The following PBX1 variants were observed in gnomAD, a reference collection of about 807,000 sequenced individuals.
The protein encoded by PBX1 is pre-B-cell leukemia transcription factor 1.
In PBX1, 6 loss-of-function variants were observed where a neutral mutation model predicts 53.4. The ratio of observed to expected loss-of-function variants is 0.11; its 90% CI spans 0.06 to 0.22. The LOEUF is 0.22. Ranked by LOEUF, PBX1 falls within the 10% of genes least tolerant of loss-of-function variation. The pLI is 1.00. For synonymous variants in PBX1, 204 were observed against 212.3 expected (o/e 0.96, Z 0.34); for missense variants, 251 against 551.4 (o/e 0.46, Z 5.46).
Position 164,559,474 on chromosome 1 carries a change from G to C in PBX1, c.-349G>C, listed in dbSNP as rs1652853570. On this transcript the variant is annotated 5_prime_UTR_variant, in exon 1 of 9. Coordinates refer to ENST00000420696, the MANE Select transcript of PBX1 (RefSeq NM_002585.4). ...GGGAGCCCATTTCTGCCTTGCAAAG[G>C]AGACCGGACTGAAAAACCTAAAGCC... The C allele has an allele frequency of 1.4e-5, 4 of 277,154 alleles. No homozygotes were observed. The South Asian group carries it at 5.9e-4, about 41-fold the overall frequency. 17.2% of individuals were successfully genotyped at this position (277,154 alleles called of 1,614,324 possible).
chr1:164,755,329 A>T (rs188927957), intron 2 of PBX1, among the ~76,000 whole-genome samples: 1,525 of 152,230 alleles, frequency 0.01, 18 homozygotes, highest in Non-Finnish European at 0.016. Flanking sequence ...TTGTATTTTT[A>T]GTAGAGATGA....
intron 2 of PBX1, among the ~76,000 whole-genome samples, chr1:164,598,207 A>G (rs1434429117): frequency 6.6e-6 from 1 of 152,176 alleles, no homozygotes; most frequent in Non-Finnish European, 1.5e-5. Flanking sequence ...TCAGTTTCCA[A>G]CACATGAATT....
intron 2 of PBX1, among the ~76,000 whole-genome samples, chr1:164,734,328 C>T (rs1233652242): frequency 2.0e-5 from 3 of 152,154 alleles, no homozygotes; most frequent in Admixed American, 6.5e-5. Flanking sequence ...AACTCATTTG[C>T]ATTTTTAAAA....
chr1:164,803,865 G>A (rs189572270), intron 4 of PBX1, among the ~76,000 whole-genome samples: 1 of 152,276 alleles, frequency 6.6e-6, no homozygotes, highest in East Asian at 1.9e-4. Flanking sequence ...TATGACGCTG[G>A]ATAAGTGGCT....
chr1:164,628,732 C>G (rs1397951966), intron 2 of PBX1, among the ~76,000 whole-genome samples: 1 of 152,106 alleles, frequency 6.6e-6, no homozygotes, highest in East Asian at 1.9e-4. Context: ...CTCTTTCTCT[C>G]TCTATCTAGA....
intron 2 of PBX1, among the ~76,000 whole-genome samples, chr1:164,779,112 C>T (rs1405852446): frequency 2.0e-5 from 3 of 148,966 alleles, no homozygotes; most frequent in Non-Finnish European, 3.0e-5. Context: ...GGCGCTATCT[C>T]GGCTCACTGC....
chr1:164,772,499 A>G (rs1464072097), intron 2 of PBX1, among the ~76,000 whole-genome samples: 1 of 152,212 alleles, frequency 6.6e-6, no homozygotes, highest in Non-Finnish European at 1.5e-5. Flanking sequence ...GGCCCATTTT[A>G]CAGATGGTGC....
chr1:164,688,694 C>T (rs903985296), intron 2 of PBX1, among the ~76,000 whole-genome samples: 4 of 152,152 alleles, frequency 2.6e-5, no homozygotes, highest in African/African-American at 9.7e-5. Context: ...ATGACTCTGT[C>T]GCCACTTTCC....
intron 2 of PBX1, among the ~76,000 whole-genome samples, chr1:164,738,276 T>A (rs1665409279): frequency 6.6e-6 from 1 of 152,150 alleles, no homozygotes; most frequent in South Asian, 2.1e-4. Flanking sequence ...CTAGGACTTG[T>A]ATTCCCAAGT....
At chr1:164,708,321 A>G (rs1220218241) in intron 2 of PBX1, among the ~76,000 whole-genome samples, 4 of 152,232 alleles carry the variant, frequency 2.6e-5, no homozygotes, top group African/African-American at 9.6e-5. Flanking sequence ...AGAAATATTT[A>G]TCAGATGACT....
At chr1:164,711,430 A>AT (rs1409614214) in intron 2 of PBX1, among the ~76,000 whole-genome samples, 1 of 152,050 alleles carries the variant, frequency 6.6e-6, no homozygotes, top group African/African-American at 2.4e-5. Flanking sequence ...TGCCCGGCTA[A>AT]TTTTTTGTAT....
At chr1:164,844,813 G>A (rs1671487910) in intron 8 of PBX1, among the ~76,000 whole-genome samples, 1 of 152,140 alleles carries the variant, frequency 6.6e-6, no homozygotes, top group Non-Finnish European at 1.5e-5. Flanking sequence ...TTATACTACA[G>A]AGTCTTTGCC....
chr1:164,771,621 C>G (rs527696241), intron 2 of PBX1: 1 of 151,802 alleles, frequency 6.6e-6, no homozygotes, highest in East Asian at 1.9e-4. Context: ...GCGCTGGAAG[C>G]TGAACTGAAC....
At chr1:164,827,102 A>C (rs1376949896) in intron 8 of PBX1, among the ~76,000 whole-genome samples, 1 of 152,230 alleles carries the variant, frequency 6.6e-6, no homozygotes, top group Non-Finnish European at 1.5e-5. Flanking sequence ...AGACATTTGG[A>C]TACCACGGGG....
In PBX1 at chr1:164,587,137, A is replaced by G. The variant is rs571202569; in HGVS notation, c.265+23826A>G. Among the ~76,000 whole-genome samples, 278 of 152,290 alleles carry G rather than the reference A, an allele frequency of 1.8e-3. 2 individuals carry two copies. Among genetic ancestry groups the G allele is most frequent in the Non-Finnish European group, 1.6e-3 (107 of 68,016 alleles). The stretch of plus-strand genomic sequence containing the variant: ...TCCCGGTTTTACATAACTGGGATGT[A>G]GGATGCTACAACTACTGCTGTATCT... On this transcript the variant is annotated intron_variant, in intron 2 of 8. Coordinates refer to ENST00000420696, the MANE Select transcript of PBX1 (RefSeq NM_002585.4).
chr1:164,856,487 A>G (rs969081546), downstream of PBX1, among the ~76,000 whole-genome samples: 1 of 151,962 alleles, frequency 6.6e-6, no homozygotes, highest in African/African-American at 2.4e-5. Flanking sequence ...TTTTTTTTCA[A>G]TATCTCTGGA....
At chr1:164,603,750 A>G (rs1194878487) in intron 2 of PBX1, among the ~76,000 whole-genome samples, 2 of 152,130 alleles carry the variant, frequency 1.3e-5, no homozygotes, top group Non-Finnish European at 2.9e-5. Flanking sequence ...CTGAGTTTAT[A>G]CTATTTCCTA....
chr1:164,577,346 G>A lies in PBX1; in HGVS notation c.265+14035G>A, dbSNP rs190570240. Among the ~76,000 whole-genome samples, 517 of 152,202 alleles carry A rather than the reference G, an allele frequency of 3.4e-3. 2 individuals are homozygous for A. Among genetic ancestry groups the A allele is most frequent in the African/African-American group, 0.011 (476 of 41,510 alleles). On this transcript the variant is annotated intron_variant, in intron 2 of 8. Coordinates refer to ENST00000420696, the MANE Select transcript of PBX1 (RefSeq NM_002585.4). ...AGACATAGCTAGTTTCTTATATGGC[G>A]GCTTGTCTTGTCTCAGAGGAATGTT...
chr1:164,759,163 A>T (rs1222368946), intron 2 of PBX1, among the ~76,000 whole-genome samples: 1 of 152,200 alleles, frequency 6.6e-6, no homozygotes, highest in South Asian at 2.1e-4. Flanking sequence ...TATCTAAAAA[A>T]ATATGCCTTT....
Sources: allele counts gnomAD v4.1 joint callset (sites outside exome capture counted in the v4.1 genomes callset), GRCh38; gene constraint gnomAD v4.1.1; transcripts MANE v1.5; gene names NCBI Gene and HGNC (gene_info 2026-07-23, HGNC 2026-07-21).